Variants in SV2C observed in about 807,000 individuals in gnomAD.
The protein encoded by SV2C is solute carrier family 22 member B3.
A neutral mutation model predicts 79.7 loss-of-function variants in SV2C; 49 were observed. That is an observed-to-expected ratio of 0.61 (90% CI 0.49 to 0.78). SV2C has a LOEUF of 0.78. Ranked by LOEUF, SV2C falls within the 30% of genes least tolerant of loss-of-function variation. The pLI, the probability that SV2C is intolerant of heterozygous loss-of-function variation, is 0.00. For missense variants in SV2C, 833 were observed against 912.9 expected (o/e 0.91, Z 1.13); for synonymous variants, 334 against 333.2 (o/e 1.00, Z -0.03).
the SV2C span, chr5:75,920,714 C>A: frequency 4.9e-3 from 3,740 of 758,592 alleles, 83 homozygotes; most frequent in African/African-American, 0.045. Context: ...CGGTGTGGAA[C>A]CACTCAATCT....
At chr5:76,177,215 TACA>T (rs561801637) in intron 2 of SV2C, among the ~76,000 whole-genome samples, 7 of 43,218 alleles carry the variant, frequency 1.6e-4, no homozygotes, top group Admixed American at 5.5e-4. Flanking sequence ...AAATAATATA[TACA>T]AATATATTAA....
chr5:76,149,571 G>T (rs1749537659), intron 2 of SV2C, among the ~76,000 whole-genome samples: 1 of 152,238 alleles, frequency 6.6e-6, no homozygotes, highest in Non-Finnish European at 1.5e-5. Flanking sequence ...AATAATCAGA[G>T]GTGGGGATAT....
the SV2C span, among the ~76,000 whole-genome samples, chr5:76,031,806 G>A: frequency 2.6e-5 from 4 of 152,214 alleles, no homozygotes; most frequent in East Asian, 1.9e-4. Context: ...TTCTGCTATC[G>A]CTATATTATT....
At chr5:76,017,655 C>G in the SV2C span, among the ~76,000 whole-genome samples, 3 of 152,156 alleles carry the variant, frequency 2.0e-5, no homozygotes, top group African/African-American at 7.2e-5. Flanking sequence ...TCTTCTGAAA[C>G]TTCATTATTT....
chr5:76,301,677 G>A (rs1748006387), intron 12 of SV2C, 132 bp downstream of exon 12: 1 of 1,005,388 alleles, frequency 9.9e-7, no homozygotes, highest in Admixed American at 2.7e-5. Context: ...GGAAGGCCAA[G>A]GTGGGTGGAT....
At chr5:75,900,884 C>T in the SV2C span, among the ~76,000 whole-genome samples, 20 of 152,210 alleles carry the variant, frequency 1.3e-4, no homozygotes, top group South Asian at 1.0e-3. Context: ...CATCAGCTCC[C>T]GAGGCTTCTG....
the SV2C span, among the ~76,000 whole-genome samples, chr5:75,886,766 T>C: frequency 6.6e-6 from 1 of 152,132 alleles, no homozygotes; most frequent in Non-Finnish European, 1.5e-5. Context: ...GGTGGGGTGG[T>C]TCTCTTTGAG....
the SV2C span, among the ~76,000 whole-genome samples, chr5:75,903,362 A>T: frequency 7.0e-6 from 1 of 143,284 alleles, no homozygotes; most frequent in South Asian, 2.4e-4. Context: ...GTACCACAAA[A>T]AGGTGTTTTT....
chr5:76,102,187 C>T (rs907116336), intron 1 of SV2C, among the ~76,000 whole-genome samples: 2 of 152,164 alleles, frequency 1.3e-5, no homozygotes, highest in African/African-American at 4.8e-5. Flanking sequence ...GCTGTTTCTT[C>T]CCTTAATATA....
At chr5:76,130,953 A>T (rs1748869404) in intron 1 of SV2C, among the ~76,000 whole-genome samples, 1 of 152,226 alleles carries the variant, frequency 6.6e-6, no homozygotes, top group African/African-American at 2.4e-5. Flanking sequence ...GACTCCCACC[A>T]AACAAGCCAT....
chr5:75,932,690 C>A, the SV2C span, among the ~76,000 whole-genome samples: 3 of 152,218 alleles, frequency 2.0e-5, no homozygotes, highest in African/African-American at 7.2e-5. Context: ...GTGGTTTGAG[C>A]AGTTTTCCAC....
chr5:76,236,537 G>T (rs1587617), intron 4 of SV2C, among the ~76,000 whole-genome samples: 17,755 of 151,652 alleles, frequency 0.12, 3,033 homozygotes, highest in African/African-American at 0.38. Flanking sequence ...ACTCCAGCCT[G>T]GGCAACAGAA....
chr5:76,252,502 A>G (rs576193726), intron 4 of SV2C, among the ~76,000 whole-genome samples: 3 of 152,358 alleles, frequency 2.0e-5, no homozygotes, highest in Admixed American at 2.0e-4. Flanking sequence ...CTCCCTGAGA[A>G]CACAACCTTC....
intron 4 of SV2C, among the ~76,000 whole-genome samples, chr5:76,256,427 C>T (rs1250220381): frequency 1.3e-5 from 2 of 152,164 alleles, no homozygotes; most frequent in East Asian, 3.9e-4. Context: ...AATAGCGCAG[C>T]GTCTGTGTGT....
At chr5:75,959,281 T>C in the SV2C span, among the ~76,000 whole-genome samples, 1 of 151,986 alleles carries the variant, frequency 6.6e-6, no homozygotes, top group African/African-American at 2.4e-5. Flanking sequence ...CTGCTCTCTT[T>C]GCATGCTGCC....
At chr5:75,925,749 T>C in the SV2C span, among the ~76,000 whole-genome samples, 1 of 123,850 alleles carries the variant, frequency 8.1e-6, no homozygotes, top group Admixed American at 7.3e-5. Flanking sequence ...AAAGATTTTT[T>C]TAAAAAACAA....
At chr5:76,315,273 C>G (rs1400378329) in intron 12 of SV2C, among the ~76,000 whole-genome samples, 1 of 150,820 alleles carries the variant, frequency 6.6e-6, no homozygotes, top group African/African-American at 2.4e-5. Context: ...GATTAGAAAA[C>G]AATTGCATTC....
At chr5:76,033,651 C>A in the SV2C span, among the ~76,000 whole-genome samples, 325 of 152,274 alleles carry the variant, frequency 2.1e-3, no homozygotes, top group Non-Finnish European at 2.4e-3. Flanking sequence ...GTTACTGTAG[C>A]CTTGTAGTAT....
the SV2C span, among the ~76,000 whole-genome samples, chr5:75,946,099 G>A: frequency 6.6e-6 from 1 of 151,948 alleles, no homozygotes; most frequent in South Asian, 2.1e-4. Context: ...TAAAATCAAT[G>A]AAACTAAAAC....
Sources: allele counts gnomAD v4.1 joint callset (sites outside exome capture counted in the v4.1 genomes callset), GRCh38; gene constraint gnomAD v4.1.1; transcripts MANE v1.5; gene names NCBI Gene and HGNC (gene_info 2026-07-23, HGNC 2026-07-21).